Variants in CHD1 observed in about 807,000 individuals in gnomAD.
CHD1 encodes ATP-dependent chromatin remodeler CHD1.
CHD1 carries 36 observed loss-of-function variants against 224.2 expected under a neutral mutation model. The observed-to-expected ratio is 0.16, with a 90% CI of 0.12 to 0.21. The LOEUF is 0.21. CHD1 is among the 10% of genes least tolerant of loss of function. CHD1 has a pLI of 1.00. For synonymous variants in CHD1, 668 were observed against 658.3 expected, an observed-to-expected ratio of 1.01 and a Z score of -0.23; for missense variants, 1,378 against 1,994.8, an observed-to-expected ratio of 0.69 and a Z score of 5.89.
chr5:98,906,725 T>C (rs1293314628), intron 2 of CHD1, among the ~76,000 whole-genome samples: 1 of 152,228 alleles, frequency 6.6e-6, no homozygotes, highest in Admixed American at 6.5e-5. Flanking sequence ...GAAAGTGCTG[T>C]TAAATGAATT....
At chr5:98,862,782 C>T (rs991532819) in intron 32 of CHD1, among the ~76,000 whole-genome samples, 4 of 152,090 alleles carry the variant, frequency 2.6e-5, no homozygotes, top group Non-Finnish European at 4.4e-5. Flanking sequence ...AAAATGATAA[C>T]CCATTCTTGG....
chr5:98,883,671 C>T (rs540292348), intron 18 of CHD1, among the ~76,000 whole-genome samples: 67 of 151,536 alleles, frequency 4.4e-4, no homozygotes, highest in African/African-American at 1.6e-3. Context: ...ATTACAGCAG[C>T]ACAATTTGCA....
In CHD1 at chr5:98,888,129, T is replaced by C. The variant is rs1750775866; in HGVS notation, c.2455A>G (p.Ile819Val). 2 of 1,606,140 alleles carry C rather than the reference T, an allele frequency of 1.2e-6. No individual in the cohort carries two copies. The highest frequency in any genetic ancestry group is 1.7e-6 in the Non-Finnish European group (2 of 1,175,084). The change falls in exon 17 of 36, where the codon ATA becomes GTA. Residue 819 changes from isoleucine (I) to valine (V), a missense_variant. By Grantham distance (29) the Ile-to-Val change is conservative (BLOSUM62 3). Transcript: ENST00000614616. ...IFSQMVRMLD[I>V]LAEYLKYRQF... The stretch of plus-strand genomic sequence containing the variant: ...CGATATTTCAAATATTCTGCAAGTA[T>C]ATCTAACATCCGCACCATTTGTGAA...
chr5:98,867,734 C>A (rs1313106631), intron 31 of CHD1, among the ~76,000 whole-genome samples: 1 of 150,764 alleles, frequency 6.6e-6, no homozygotes, highest in South Asian at 2.1e-4. Flanking sequence ...CAGCTGGGTG[C>A]GATAGCTCAT....
intron 31 of CHD1, among the ~76,000 whole-genome samples, chr5:98,865,956 G>A (rs326476): frequency 9.9e-6 from 1 of 101,290 alleles, no homozygotes; most frequent in Non-Finnish European, 2.0e-5. Context: ...AATGTGGGGG[G>A]AAAAAAAGGT....
chr5:98,926,300 A>G, intron 2 of CHD1, 34 bp downstream of exon 2: 22 of 1,319,038 alleles, frequency 1.7e-5, no homozygotes, highest in East Asian at 2.6e-5. Flanking sequence ...AACTCTCTTC[A>G]TAGTAAACAA....
intron 11 of CHD1, among the ~76,000 whole-genome samples, chr5:98,896,657 T>C (rs1356405928): frequency 4.0e-5 from 6 of 151,760 alleles, no homozygotes; most frequent in Admixed American, 3.9e-4. Context: ...GAGATGACCG[T>C]TTTGGGCCAG....
At chr5:98,872,228 TAA>T in intron 27 of CHD1, 27 bp from the exon 28 acceptor site, 1 of 1,590,208 alleles carries the variant, frequency 6.3e-7, no homozygotes. Flanking sequence ...TAACTAATGA[TAA>T]GTTTGTAATT....
chr5:98,905,626 C>T (rs1056134160), intron 2 of CHD1, among the ~76,000 whole-genome samples: 4 of 152,050 alleles, frequency 2.6e-5, no homozygotes, highest in East Asian at 1.9e-4. Flanking sequence ...TTATTATAAC[C>T]GAGCTATGAT....
At chr5:98,917,581 A>C (rs1240158443) in intron 2 of CHD1, among the ~76,000 whole-genome samples, 1 of 152,232 alleles carries the variant, frequency 6.6e-6, no homozygotes, top group Admixed American at 6.5e-5. Flanking sequence ...AAGCAACAAC[A>C]GTGGAACTGA....
At chr5:98,923,723 A>AT (rs1753261556) in intron 2 of CHD1, among the ~76,000 whole-genome samples, 1 of 151,838 alleles carries the variant, frequency 6.6e-6, no homozygotes, top group Non-Finnish European at 1.5e-5. Context: ...ACAAGGTTTA[A>AT]TTTTTTTTCA....
intron 23 of CHD1, among the ~76,000 whole-genome samples, chr5:98,877,634 A>G (rs1317432872): frequency 1.3e-5 from 2 of 152,234 alleles, no homozygotes. Flanking sequence ...AACCTCTAAT[A>G]TGCTGAAAGT....
In CHD1 at chr5:98,871,839, A is replaced by G. The variant is rs7702653; in HGVS notation, c.3861+212T>C. Among the ~76,000 whole-genome samples, 787 of 152,292 alleles carry G rather than the reference A, an allele frequency of 5.2e-3. 9 individuals carry two copies. The highest frequency in any genetic ancestry group is 0.018 in the African/African-American group (757 of 41,570). On this transcript the variant is annotated intron_variant, in intron 28 of 35. Coordinates refer to ENST00000614616, the MANE Select transcript of CHD1 (RefSeq NM_001270.4). ...TGAAAAATAATACACCTAATGCCTT[A>G]ATAACATATAATTTCACAGTAACGC...
chr5:98,866,833 C>T (rs1432125661), intron 31 of CHD1, among the ~76,000 whole-genome samples: 6 of 152,124 alleles, frequency 3.9e-5, no homozygotes, highest in Admixed American at 2.0e-4. Context: ...ACTACATTAT[C>T]GGTCTCGTAT....
chr5:98,918,340 G>A (rs1434670741), intron 2 of CHD1, among the ~76,000 whole-genome samples: 1 of 151,466 alleles, frequency 6.6e-6, no homozygotes, highest in Non-Finnish European at 1.5e-5. Context: ...GATTACAGAT[G>A]TGAGCCACCG....
intron 30 of CHD1, 157 bp from the exon 31 acceptor site, chr5:98,868,792 ATTTT>A: frequency 1.3e-6 from 1 of 791,078 alleles, no homozygotes. Flanking sequence ...TTTTTCCCCA[ATTTT>A]ATTTGGGGAA....
rs770390161 is a variant in CHD1 at position 98,858,326 on chromosome 5, A to G, written c.4641T>C (p.Asp1547=). ...DDSSRDSYSS[D]RHLTQYHDHH... ...GATCATGGTACTGAGTTAAGTGTCT[A>G]TCAGAGGAATAACTGTCCCTGCTGC... The change falls in exon 35 of 36, where the codon GAT becomes GAC. Residue 1547 remains aspartate, a synonymous_variant. Transcript: ENST00000614616. The G allele has an allele frequency of 2.5e-6, 4 of 1,613,252 alleles. No homozygotes were observed. The South Asian group carries it at 3.3e-5, about 13-fold the overall frequency.
At chr5:98,869,575 T>G in intron 30 of CHD1, 179 bp downstream of exon 30, 1 of 636,796 alleles carries the variant, frequency 1.6e-6, no homozygotes, top group Non-Finnish European at 2.6e-6. Context: ...AATTCTGTTC[T>G]ATAATTGAGA....
At chr5:98,867,724 C>T (rs1309227401) in intron 31 of CHD1, among the ~76,000 whole-genome samples, 1 of 151,730 alleles carries the variant, frequency 6.6e-6, no homozygotes, top group Non-Finnish European at 1.5e-5. Context: ...TTTAAGACAC[C>T]AGCTGGGTGC....
Sources: gnomAD v4.1 joint callset for allele counts (sites outside exome capture counted in the v4.1 genomes callset) on GRCh38, gnomAD v4.1.1 for gene constraint, MANE v1.5 for transcripts, NCBI Gene and HGNC (gene_info 2026-07-23, HGNC 2026-07-21) for gene names.